Variants in GABBR2 observed in about 807,000 individuals in gnomAD.
The protein encoded by GABBR2 is G-protein coupled receptor 51.
Under a neutral mutation model 105.6 loss-of-function variants are expected in GABBR2, and 23 were observed. The ratio of observed to expected loss-of-function variants is 0.22; its 90% CI spans 0.16 to 0.31. GABBR2 has a LOEUF of 0.31. GABBR2 is among the 10% of genes least tolerant of loss of function. GABBR2 has a pLI of 1.00. For synonymous variants in GABBR2, 478 were observed against 499.7 expected, an observed-to-expected ratio of 0.96 and a Z score of 0.58; for missense variants, 734 against 1,245.5, an observed-to-expected ratio of 0.59 and a Z score of 6.18.
At chr9:98,394,852 A>G (rs1217485574) in intron 8 of GABBR2, among the ~76,000 whole-genome samples, 4 of 152,180 alleles carry the variant, frequency 2.6e-5, no homozygotes, top group Admixed American at 1.3e-4. Flanking sequence ...CAGCAAGTAG[A>G]GGCCACCATC....
chr9:98,327,595 G>T (rs578171876), intron 13 of GABBR2, among the ~76,000 whole-genome samples: 1 of 152,106 alleles, frequency 6.6e-6, no homozygotes, highest in African/African-American at 2.4e-5. Context: ...AAGGCCGGGC[G>T]CAGTGGCTGA....
At chr9:98,562,906 C>T (rs143782862) in intron 2 of GABBR2, among the ~76,000 whole-genome samples, 1 of 151,360 alleles carries the variant, frequency 6.6e-6, no homozygotes, top group East Asian at 2.0e-4. Context: ...TCCATCTCTA[C>T]AAAAAATACA....
chr9:98,484,840 T>C (rs1160594155), intron 4 of GABBR2, among the ~76,000 whole-genome samples: 1 of 152,230 alleles, frequency 6.6e-6, no homozygotes, highest in Non-Finnish European at 1.5e-5. Context: ...CAATGTTGCA[T>C]AGCTTGTATC....
intron 1 of GABBR2, among the ~76,000 whole-genome samples, chr9:98,639,601 AAAAAAAAAAAAATTCAAATACAAGACCC>A (rs1463703757): frequency 6.0e-5 from 9 of 148,804 alleles, no homozygotes; most frequent in Non-Finnish European, 1.3e-4. Flanking sequence ...CGCATAGACA[AAAAAAAAAAAAATTCAAATACAAGACCC>A]ACTTACAATG....
chr9:98,446,310 T>A (rs962809602), intron 7 of GABBR2, among the ~76,000 whole-genome samples: 8 of 152,186 alleles, frequency 5.3e-5, no homozygotes, highest in Non-Finnish European at 1.2e-4. Flanking sequence ...TCTTAGGTAC[T>A]AAACATTATT....
chr9:98,337,433 T>A (rs538739201), intron 13 of GABBR2, among the ~76,000 whole-genome samples: 1 of 152,256 alleles, frequency 6.6e-6, no homozygotes, highest in South Asian at 2.1e-4. Context: ...CAAACTCAAA[T>A]CAACGCTTAT....
intron 1 of GABBR2, among the ~76,000 whole-genome samples, chr9:98,657,550 G>A (rs1571930): frequency 0.81 from 123,813 of 152,148 alleles, 50,478 homozygotes; most frequent in Middle Eastern, 0.91. Flanking sequence ...TGAAAAACAC[G>A]TGGCCACAAA....
chr9:98,534,338 AGCTT>A (rs1828126532), intron 3 of GABBR2, among the ~76,000 whole-genome samples: 1 of 151,826 alleles, frequency 6.6e-6, no homozygotes, highest in Non-Finnish European at 1.5e-5. Context: ...TGGAGCTTGG[AGCTT>A]GGAGGGAGAA....
At chr9:98,501,173 AT>A (rs1199767994) in intron 3 of GABBR2, among the ~76,000 whole-genome samples, 2 of 91,558 alleles carry the variant, frequency 2.2e-5, no homozygotes, top group Middle Eastern at 7.1e-3. Context: ...TAATTAATTA[AT>A]TTTTTTTTGA....
chr9:98,531,180 A>G (rs1435734575), intron 3 of GABBR2, among the ~76,000 whole-genome samples: 3 of 152,126 alleles, frequency 2.0e-5, no homozygotes, highest in African/African-American at 7.2e-5. Context: ...AAAGAGTACA[A>G]CACTCACCCA....
intron 13 of GABBR2, among the ~76,000 whole-genome samples, chr9:98,339,779 T>G (rs115952534): frequency 0.012 from 1,768 of 152,268 alleles, 29 homozygotes; most frequent in African/African-American, 0.04. Flanking sequence ...AACACAACCC[T>G]CCCTCCCCCT....
intron 13 of GABBR2, among the ~76,000 whole-genome samples, chr9:98,330,545 A>G (rs1249126741): frequency 3.3e-5 from 5 of 152,198 alleles, no homozygotes; most frequent in African/African-American, 1.2e-4. Flanking sequence ...CATCTAACAG[A>G]TACTACAGGT....
intron 1 of GABBR2, among the ~76,000 whole-genome samples, chr9:98,706,374 C>A (rs1830894667): frequency 6.6e-6 from 1 of 152,176 alleles, no homozygotes; most frequent in Admixed American, 6.5e-5. Context: ...GCCCCACCTA[C>A]CCCAAAGCCC....
chr9:98,290,739 G>T lies in GABBR2; in HGVS notation c.2671C>A (p.Arg891=). The T allele has an allele frequency of 1.3e-6, 2 of 1,484,752 alleles. No individual in the cohort carries two copies. Among genetic ancestry groups the T allele is most frequent in the Non-Finnish European group, 1.8e-6 (2 of 1,128,512 alleles). 92.0% of individuals were successfully genotyped at this position (1,484,752 alleles called of 1,614,324 possible). The change falls in exon 19 of 19, where the codon CGG becomes AGG. Residue 891 remains arginine, a synonymous_variant. Coordinates refer to ENST00000259455, the MANE Select transcript of GABBR2 (RefSeq NM_005458.8). ...DINSPEHIQR[R]LSLQLPILHH... ...AGGATGGGGAGCTGGAGGGACAGCC[G>T]ACGCTGGATGCTGAAGAGAAGGAGA...
chr9:98,494,591 T>C (rs181879983), intron 4 of GABBR2, among the ~76,000 whole-genome samples: 1 of 152,242 alleles, frequency 6.6e-6, no homozygotes, highest in East Asian at 1.9e-4. Context: ...CAGCTGGGTG[T>C]CTTGGGGTAG....
In GABBR2 at chr9:98,303,243, C is replaced by T. The variant is rs1830497885; in HGVS notation, c.2410G>A (p.Glu804Lys). The change falls in exon 16 of 19, where the codon GAG (glutamate) becomes AAG (lysine). Residue 804 changes from glutamate (E) to lysine (K), a missense_variant and splice_region_variant. Physicochemically the swap from Glu to Lys is moderately conservative, Grantham distance 56 (BLOSUM62 1). Around this residue, in one of 7 missense-constraint regions of GABBR2, gnomAD observed 91 missense variants for 185.9 expected, o/e 0.49. Transcript: ENST00000259455. ...ENHRLRMKIT[E>K]LDKDLEEVTM... ...CTACCAGATGCAGAGGGAGGTACCTCTGTGATCTTCATTCGCAGGCGATGG... is the reference window on the plus strand; with the variant it reads ...CTACCAGATGCAGAGGGAGGTACCTTTGTGATCTTCATTCGCAGGCGATGG... 6.2e-7 allele frequency: 1 copy of T among 1,613,844 alleles called. No homozygotes were observed. Among genetic ancestry groups the T allele is most frequent in the African/African-American group, 1.3e-5 (1 of 75,030 alleles).
At chr9:98,608,551 T>A (rs1418614972) in intron 1 of GABBR2, among the ~76,000 whole-genome samples, 1 of 152,292 alleles carries the variant, frequency 6.6e-6, no homozygotes. Flanking sequence ...ATAATTATAA[T>A]ACAAAGGTTC....
chr9:98,444,273 T>A (rs2131590611), intron 7 of GABBR2, among the ~76,000 whole-genome samples: 1 of 151,994 alleles, frequency 6.6e-6, no homozygotes, highest in Non-Finnish European at 1.5e-5. Flanking sequence ...TGGGGCTAGA[T>A]GTTGTGGAGA....
At chr9:98,390,779 C>G (rs1832165849) in intron 9 of GABBR2, among the ~76,000 whole-genome samples, 1 of 152,140 alleles carries the variant, frequency 6.6e-6, no homozygotes, top group Non-Finnish European at 1.5e-5. Flanking sequence ...TCTATGGACA[C>G]TGAGAAAGAA....
Sources: allele counts gnomAD v4.1 joint callset (sites outside exome capture counted in the v4.1 genomes callset), GRCh38; gene constraint gnomAD v4.1.1; regional missense constraint gnomAD v4.1.1; transcripts MANE v1.5; gene names NCBI Gene and HGNC (gene_info 2026-07-23, HGNC 2026-07-21).